The following UNC13B variants were observed in gnomAD, a reference collection of about 807,000 sequenced individuals.
UNC13B encodes the protein protein unc-13 homolog B.
UNC13B carries 144 observed loss-of-function variants against 211.0 expected under a neutral mutation model. That is an observed-to-expected ratio of 0.68 (90% CI 0.60 to 0.78). The LOEUF is 0.78. UNC13B is among the 30% of genes least tolerant of loss of function. UNC13B has a pLI of 0.00. For missense variants in UNC13B, 1,777 were observed against 2,002.0 expected, an observed-to-expected ratio of 0.89 and a Z score of 2.14; for synonymous variants, 709 against 725.8, an observed-to-expected ratio of 0.98 and a Z score of 0.37.
chr9:35,162,295 C>G lies in UNC13B; in HGVS notation c.12C>G (p.Leu4=). The G allele has an allele frequency of 6.5e-7, 1 of 1,543,004 alleles. No individual in the cohort carries two copies. Among genetic ancestry groups the G allele is most frequent in the Non-Finnish European group, 8.7e-7 (1 of 1,149,098 alleles). Residue 4 remains leucine, a synonymous_variant, in exon 1 of 40, where the codon CTC becomes CTG. Coordinates refer to ENST00000635942, the MANE Select transcript of UNC13B (RefSeq NM_001371189.2). MSL[L]CVRVKRAKFQ... ...CCCGATCCTCGGCCATGTCACTGCTCTGCGTGCGCGGTGAGTGCGCGGACT... is the reference window on the plus strand; with the variant it reads ...CCCGATCCTCGGCCATGTCACTGCTGTGCGTGCGCGGTGAGTGCGCGGACT...
intron 1 of UNC13B, among the ~76,000 whole-genome samples, chr9:35,208,426 T>C (rs1041438146): frequency 6.6e-6 from 1 of 152,210 alleles, no homozygotes; most frequent in Non-Finnish European, 1.5e-5. Context: ...TAGTCTGTTC[T>C]CGTACTGCTA....
In UNC13B at chr9:35,210,014, T is replaced by A. The variant is rs1478401543; in HGVS notation, c.23-18001T>A. Among the ~76,000 whole-genome samples, 4 of 152,170 alleles carry A rather than the reference T, an allele frequency of 2.6e-5. No homozygotes were observed. The South Asian group carries it at 8.3e-4, about 32-fold the overall frequency. Reference sequence around the variant, plus strand: ...CACCACTTTGGGAGGCCAAGGTGGGTGGATCGCTTGAGCCCAGGAGTTCAA... The same window carrying A: ...CACCACTTTGGGAGGCCAAGGTGGGAGGATCGCTTGAGCCCAGGAGTTCAA... On this transcript the variant is annotated intron_variant, in intron 1 of 39. Transcript: ENST00000635942.
intron 11 of UNC13B, among the ~76,000 whole-genome samples, chr9:35,340,719 G>A (rs1467581959): frequency 6.6e-6 from 1 of 152,210 alleles, no homozygotes; most frequent in Non-Finnish European, 1.5e-5. Flanking sequence ...AGGGGAGTCA[G>A]AAGAGGAATG....
chr9:35,283,979 G>A (rs1483695079), intron 7 of UNC13B, among the ~76,000 whole-genome samples: 1 of 152,068 alleles, frequency 6.6e-6, no homozygotes, highest in African/African-American at 2.4e-5. Flanking sequence ...AGCAGTACAG[G>A]CCGGGCGTGG....
chr9:35,284,881 C>T (rs1828704207), intron 7 of UNC13B, among the ~76,000 whole-genome samples: 1 of 152,146 alleles, frequency 6.6e-6, no homozygotes, highest in African/African-American at 2.4e-5. Flanking sequence ...ATTTTAATGT[C>T]ATGGAAACAT....
chr9:35,223,928 C>G (rs895858690), intron 1 of UNC13B, among the ~76,000 whole-genome samples: 11 of 152,042 alleles, frequency 7.2e-5, no homozygotes, highest in Non-Finnish European at 1.3e-4. Flanking sequence ...CTGTGTTTTT[C>G]TGGTACGTTT....
rs1350144850 is a variant in UNC13B at position 35,179,387 on chromosome 9, C to A, written c.22+17082C>A. Among the ~76,000 whole-genome samples the A allele has an allele frequency of 3.3e-5, 5 of 151,196 alleles. No homozygotes were observed. In the East Asian group the frequency reaches 7.7e-4, roughly 23 times the overall value. ...GGAGTTTAATAAAATCCCTTTTTTT[C>A]TTGGGAGGGAGTGTGGTATAATGGA... On this transcript the variant is annotated intron_variant, in intron 1 of 39. Transcript: ENST00000635942.
At chr9:35,309,094 G>A (rs529469853) in intron 9 of UNC13B, among the ~76,000 whole-genome samples, 11 of 152,030 alleles carry the variant, frequency 7.2e-5, no homozygotes, top group Non-Finnish European at 1.5e-4. Flanking sequence ...CTTCAGTCTC[G>A]AGCAGTGTAC....
chr9:35,298,590 G>A (rs887974510), intron 8 of UNC13B, among the ~76,000 whole-genome samples: 1 of 152,136 alleles, frequency 6.6e-6, no homozygotes, highest in African/African-American at 2.4e-5. Flanking sequence ...AAAGTGCTTG[G>A]ATTACAGGTG....
intron 7 of UNC13B, among the ~76,000 whole-genome samples, chr9:35,288,950 A>G (rs970660882): frequency 3.9e-5 from 6 of 152,096 alleles, no homozygotes; most frequent in African/African-American, 1.4e-4. Flanking sequence ...TCTTTTTAAA[A>G]GAAATGAAGT....
At chr9:35,401,218 G>A (rs1836278510) in intron 37 of UNC13B, among the ~76,000 whole-genome samples, 1 of 152,172 alleles carries the variant, frequency 6.6e-6, no homozygotes, top group Non-Finnish European at 1.5e-5. Flanking sequence ...GGGGAAGTTG[G>A]CGCTTAGGCA....
chr9:35,265,643 A>C (rs904791577), intron 7 of UNC13B, among the ~76,000 whole-genome samples: 1 of 152,134 alleles, frequency 6.6e-6, no homozygotes, highest in Non-Finnish European at 1.5e-5. Context: ...TTTAATAGTT[A>C]AAAGTTATTA....
chr9:35,339,017 G>A (rs560239414), intron 11 of UNC13B, among the ~76,000 whole-genome samples: 5 of 152,180 alleles, frequency 3.3e-5, no homozygotes, highest in East Asian at 1.9e-4. Context: ...CCACCCATTC[G>A]GCTCCCCTTT....
chr9:35,323,583 T>C (rs972027338), intron 11 of UNC13B, among the ~76,000 whole-genome samples: 69 of 152,206 alleles, frequency 4.5e-4, no homozygotes, highest in Admixed American at 7.9e-4. Context: ...GAGACAACCC[T>C]TGTTCTCAAC....
intron 1 of UNC13B, among the ~76,000 whole-genome samples, chr9:35,188,746 G>A (rs1439504868): frequency 2.6e-5 from 4 of 152,086 alleles, no homozygotes; most frequent in African/African-American, 9.7e-5. Context: ...GACTCAAAAG[G>A]CAAAAACCTT....
chr9:35,283,224 C>T (rs897621043), intron 7 of UNC13B, among the ~76,000 whole-genome samples: 2 of 152,136 alleles, frequency 1.3e-5, no homozygotes, highest in South Asian at 2.1e-4. Flanking sequence ...TTAGGCCATA[C>T]ATTTCATGAG....
intron 13 of UNC13B, 51 bp from the exon 14 acceptor site, chr9:35,375,076 T>C: frequency 6.2e-7 from 1 of 1,605,602 alleles, no homozygotes; most frequent in Non-Finnish European, 8.5e-7. Context: ...TCCCCCAGAC[T>C]TTGCCAGCCC....
intron 11 of UNC13B, among the ~76,000 whole-genome samples, chr9:35,359,511 G>A (rs182539239): frequency 1.3e-5 from 2 of 152,192 alleles, no homozygotes; most frequent in Non-Finnish European, 2.9e-5. Flanking sequence ...ATGTAAATAG[G>A]CATCTCATTT....
At chr9:35,357,197 C>T (rs547941610) in intron 11 of UNC13B, among the ~76,000 whole-genome samples, 5 of 152,270 alleles carry the variant, frequency 3.3e-5, no homozygotes, top group Admixed American at 6.5e-5. Context: ...CATTCCCACC[C>T]GTAACATATG....
Sources: allele counts gnomAD v4.1 joint callset (sites outside exome capture counted in the v4.1 genomes callset), GRCh38; gene constraint gnomAD v4.1.1; transcripts MANE v1.5; gene names NCBI Gene and HGNC (gene_info 2026-07-23, HGNC 2026-07-21).